The following SHANK1 variants were observed in gnomAD, a reference collection of about 807,000 sequenced individuals.
The protein encoded by SHANK1 is SH3 and multiple ankyrin repeat domains protein 1.
A neutral mutation model predicts 165.6 loss-of-function variants in SHANK1; 35 were observed. The ratio of observed to expected loss-of-function variants is 0.21; its 90% CI spans 0.16 to 0.28. The LOEUF (loss-of-function observed/expected upper bound fraction) is 0.28. Among genes scored for constraint, SHANK1 ranks in the 10% least tolerant of loss-of-function variants. The pLI is 1.00. For synonymous variants in SHANK1, 1,428 were observed against 1,384.8 expected, an observed-to-expected ratio of 1.03 and a Z score of -0.69; for missense variants, 2,681 against 3,036.4, an observed-to-expected ratio of 0.88 and a Z score of 2.75.
intron 21 of SHANK1, among the ~76,000 whole-genome samples, chr19:50,675,843 A>T (rs55682533): frequency 1.8e-3 from 275 of 152,226 alleles, no homozygotes; most frequent in African/African-American, 6.4e-3. Flanking sequence ...CTCTACTAAA[A>T]ATACAAAAAA....
rs2089114925 is a variant in SHANK1, at chr19:50,719,660, G to GC, written c.-299dup. On this transcript the variant is annotated 5_prime_UTR_variant, in exon 1 of 24. Transcript: ENST00000293441. ...CGCCGCGGCCGCCGCGCCCCTCCTC[G>GC]CCCGCCCCCGGCTCGGTCCGGCCGG... 7.0e-6 allele frequency among the ~76,000 whole-genome samples: 1 copy of GC among 142,670 alleles called. No homozygotes were observed. The highest frequency in any genetic ancestry group is 2.6e-5 in the African/African-American group (1 of 38,486). 93.6% of individuals were successfully genotyped at this position (142,670 alleles called of 152,430 possible). A position where few individuals can be genotyped will look rare whatever the true frequency, so the allele number is the denominator to read the frequency against.
At position 50,680,370 on chromosome 19, in the gene SHANK1, T is replaced by G. The variant is rs578245302; in HGVS notation, c.2577+5867A>C. Among the ~76,000 whole-genome samples, 12 of 151,924 alleles carry G rather than the reference T, an allele frequency of 7.9e-5. No homozygotes were observed. The South Asian group carries it at 2.3e-3, about 29-fold the overall frequency. ...GAACCCCAGAAGTGGGGAGTGCAAC[T>G]GAGAGGGAGCAATGACGTCTCAGAC... On this transcript the variant is annotated intron_variant, in intron 21 of 23. Coordinates refer to ENST00000293441, the MANE Select transcript of SHANK1 (RefSeq NM_016148.5).
Position 50,697,538 on chromosome 19 carries a change from T to C in SHANK1, c.1937+51A>G. On this transcript the variant is annotated intron_variant, in intron 14 of 23. Coordinates refer to ENST00000293441, the MANE Select transcript of SHANK1 (RefSeq NM_016148.5). The surrounding 1 kb of genome is among the most constrained non-coding windows in gnomAD (Gnocchi z 4.7). ...TGGAAATATTTAAAGGTGTACATTG[T>C]GAAGGGAACTTGGGGTGAGGGGGGT... 8 of 1,331,754 alleles carry C rather than the reference T, an allele frequency of 6.0e-6. No individual in the cohort carries two copies. Among genetic ancestry groups the C allele is most frequent in the Non-Finnish European group, 8.7e-6 (8 of 922,642 alleles). 82.5% of individuals were successfully genotyped at this position (1,331,754 alleles called of 1,614,324 possible).
intron 19 of SHANK1, chr19:50,687,136 CG>C: frequency 1.4e-6 from 1 of 726,726 alleles, no homozygotes; most frequent in Non-Finnish European, 2.1e-6. Context: ...CTCGGGGCCC[CG>C]GGGTGGGGGC....
At chr19:50,669,323 CGGGG>C in intron 22 of SHANK1, 38 bp from the exon 23 acceptor site, 12 of 1,423,628 alleles carry the variant, frequency 8.4e-6, no homozygotes, top group Non-Finnish European at 1.1e-5. Flanking sequence ...GGGACCCTGG[CGGGG>C]AGGGTCTCCC....
intron 23 of SHANK1, among the ~76,000 whole-genome samples, chr19:50,664,375 C>G (rs945473077): frequency 1.3e-4 from 20 of 152,184 alleles, no homozygotes; most frequent in African/African-American, 4.1e-4. Context: ...ATGCAGCTGA[C>G]TGGCTGCTCT....
Position 50,688,990 on chromosome 19 carries a change from C to G in SHANK1, c.2048-22G>C. The G allele has an allele frequency of 7.8e-7, 1 of 1,280,046 alleles. No homozygotes were observed. Among genetic ancestry groups the G allele is most frequent in the South Asian group, 1.3e-5 (1 of 77,380 alleles). The allele number at this position is 1,280,046 out of a possible 1,614,324, so 79.3% of individuals were successfully genotyped here. The stretch of plus-strand genomic sequence containing the variant: ...TGCGCTGCAGACAGGGAGGAGCCGG[C>G]GGGGTCGGAGGGGAGGGGGTGGAGA... On this transcript the variant is annotated intron_variant, in intron 16 of 23. Transcript: ENST00000293441. This position sits in a 1 kb window ranked among gnomAD's most constrained non-coding sequence, Gnocchi z 6.7.
intron 21 of SHANK1, among the ~76,000 whole-genome samples, chr19:50,679,718 A>G (rs1173269931): frequency 6.6e-6 from 1 of 152,128 alleles, no homozygotes; most frequent in Non-Finnish European, 1.5e-5. Context: ...CTGAGAGGGG[A>G]TAGGGGAGAG....
In SHANK1 at chr19:50,665,901, C is replaced by CGCATTCCTGTAATCCCAGCT. The variant is rs1200911536; in HGVS notation, c.5768+290_5768+291insAGCTGGGATTACAGGAATGC. Among the ~76,000 whole-genome samples, 9 of 148,810 alleles carry CGCATTCCTGTAATCCCAGCT rather than the reference C, an allele frequency of 6.0e-5. 1 individual carries two copies. The highest frequency in any genetic ancestry group is 2.0e-4 in the African/African-American group (8 of 39,702). ...ATACAAAATTAGCTGGGTGTGGTGG[C>CGCATTCCTGTAATCCCAGCT]ATGGGAGGCTGAGGCAGGAGAATCG... is the stretch of plus-strand genomic sequence containing the variant. On this transcript the variant is annotated intron_variant, in intron 23 of 23. Coordinates refer to ENST00000293441, the MANE Select transcript of SHANK1 (RefSeq NM_016148.5).
Position 50,688,716 on chromosome 19 carries a change from T to C in SHANK1, c.2172+128A>G. 1 of 811,814 alleles carries C rather than the reference T, an allele frequency of 1.2e-6. No homozygotes were observed. Among genetic ancestry groups the C allele is most frequent in the Non-Finnish European group, 1.9e-6 (1 of 521,408 alleles). 50.3% of individuals were successfully genotyped at this position (811,814 alleles called of 1,614,324 possible). A position where few individuals can be genotyped will look rare whatever the true frequency, so the allele number is the denominator to read the frequency against. Reference sequence around the variant, plus strand: ...GGGAAAGCAGAGGCTGGCTGGGGGGTGGGCAGGGGGCTGGGAATCCTGGTG... The same window carrying C: ...GGGAAAGCAGAGGCTGGCTGGGGGGCGGGCAGGGGGCTGGGAATCCTGGTG... On this transcript the variant is annotated intron_variant, in intron 17 of 23. Coordinates refer to ENST00000293441, the MANE Select transcript of SHANK1 (RefSeq NM_016148.5). This position sits in a 1 kb window ranked among gnomAD's most constrained non-coding sequence, Gnocchi z 6.7.
chr19:50,688,209 T>C lies in SHANK1; in HGVS notation c.2173-151A>G. 2 of 971,252 alleles carry C rather than the reference T, an allele frequency of 2.1e-6. No individual in the cohort carries two copies. Among genetic ancestry groups the C allele is most frequent in the South Asian group, 1.6e-5 (1 of 60,674 alleles). The allele number at this position is 971,252 out of a possible 1,614,324, so 60.2% of individuals were successfully genotyped here. On this transcript the variant is annotated intron_variant, in intron 17 of 23. Transcript: ENST00000293441. The surrounding 1 kb of genome is among the most constrained non-coding windows in gnomAD (Gnocchi z 6.7). ...CCCTCCGACCCTTCATACCACCGCCTCCCTGGGCAAGCCCCCTTTCCCACC... is the reference window on the plus strand; with the variant it reads ...CCCTCCGACCCTTCATACCACCGCCCCCCTGGGCAAGCCCCCTTTCCCACC...
rs767210056 is a variant in SHANK1, at chr19:50,702,602, C to G, written c.1612G>C (p.Gly538Arg). Residue 538 changes from glycine to arginine, a missense_variant, in exon 12 of 24, where the codon GGG (glycine) becomes CGG (arginine). Physicochemically the swap from Gly to Arg is moderately radical, Grantham distance 125 (BLOSUM62 -2). Transcript: ENST00000293441. The surrounding 1 kb of genome is among the most constrained non-coding windows in gnomAD (Gnocchi z 5.3). ...CTCCCGCGGCTGCCCAGGGAGCCCCCGGGGCCCCCTGAGCCCCCCGTGCCC... is the reference window on the plus strand; with the variant it reads ...CTCCCGCGGCTGCCCAGGGAGCCCCGGGGGCCCCCTGAGCCCCCCGTGCCC... ...AGGTGGSGGPGGSLGSRGRRR... is the reference protein window; with the variant it reads ...AGGTGGSGGPRGSLGSRGRRR... The G allele has an allele frequency of 1.3e-6, 2 of 1,597,870 alleles. No individual in the cohort carries two copies. Among genetic ancestry groups the G allele is most frequent in the Non-Finnish European group, 1.7e-6 (2 of 1,172,138 alleles).
At position 50,662,827 on chromosome 19, in the gene SHANK1, A is replaced by C; in HGVS notation, c.5769-145T>G. The C allele has an allele frequency of 2.5e-6, 2 of 814,044 alleles. No homozygotes were observed. The highest frequency in any genetic ancestry group is 2.5e-5 in the Admixed American group (1 of 40,104). 50.4% of individuals were successfully genotyped at this position (814,044 alleles called of 1,614,324 possible). ...AGAGACGGAGGAGAGACGGGAAGAA[A>C]TGGAGGGAGCAAGGGGTAAGACGGC... On this transcript the variant is annotated intron_variant, in intron 23 of 23. Transcript: ENST00000293441. This position sits in a 1 kb window ranked among gnomAD's most constrained non-coding sequence, Gnocchi z 7.7.
chr19:50,711,752 G>C (rs1379623035), intron 7 of SHANK1, among the ~76,000 whole-genome samples, 195 bp downstream of exon 7: 1 of 152,208 alleles, frequency 6.6e-6, no homozygotes, highest in Non-Finnish European at 1.5e-5. Flanking sequence ...CAGGGGTCAA[G>C]GCATCAGGTT....
At position 50,667,895 on chromosome 19, in the gene SHANK1, C is replaced by T; in HGVS notation, c.4065G>A (p.Leu1355=). The T allele has an allele frequency of 1.5e-6, 2 of 1,333,990 alleles. No individual in the cohort carries two copies. The highest frequency in any genetic ancestry group is 1.9e-6 in the Non-Finnish European group (2 of 1,046,692). The allele number at this position is 1,333,990 out of a possible 1,614,324, so 82.6% of individuals were successfully genotyped here. ...KALDPASPLG[L]ALAARERALK... ...GCGCTCGCTCGCGGGCGGCCAGGGCCAGCCCCAGCGGGGAGGCGGGATCCA... is the reference window on the plus strand; with the variant it reads ...GCGCTCGCTCGCGGGCGGCCAGGGCTAGCCCCAGCGGGGAGGCGGGATCCA... The change falls in exon 23 of 24, where the codon CTG becomes CTA. Residue 1355 remains leucine, a synonymous_variant. Transcript: ENST00000293441. This position sits in a 1 kb window ranked among gnomAD's most constrained non-coding sequence, Gnocchi z 5.7.
At chr19:50,676,721 C>G (rs540814480) in intron 21 of SHANK1, among the ~76,000 whole-genome samples, 17 of 152,168 alleles carry the variant, frequency 1.1e-4, no homozygotes, top group Non-Finnish European at 1.5e-4. Flanking sequence ...CAGCCCACCC[C>G]AATACTCTTT....
intron 21 of SHANK1, among the ~76,000 whole-genome samples, chr19:50,673,103 C>T (rs1434832980): frequency 3.9e-5 from 6 of 152,152 alleles, no homozygotes; most frequent in South Asian, 4.1e-4. Flanking sequence ...CCACAGCCCA[C>T]GATGGACGGA....
At position 50,688,718 on chromosome 19, in the gene SHANK1, G is replaced by T; in HGVS notation, c.2172+126C>A. 2 of 871,238 alleles carry T rather than the reference G, an allele frequency of 2.3e-6. No individual in the cohort carries two copies. Among genetic ancestry groups the T allele is most frequent in the South Asian group, 1.8e-5 (1 of 57,106 alleles). 54.0% of individuals were successfully genotyped at this position (871,238 alleles called of 1,614,324 possible). ...GAAAGCAGAGGCTGGCTGGGGGGTG[G>T]GCAGGGGGCTGGGAATCCTGGTGCC... On this transcript the variant is annotated intron_variant, in intron 17 of 23. Coordinates refer to ENST00000293441, the MANE Select transcript of SHANK1 (RefSeq NM_016148.5). The surrounding 1 kb of genome is among the most constrained non-coding windows in gnomAD (Gnocchi z 6.7).
intron 21 of SHANK1, among the ~76,000 whole-genome samples, chr19:50,684,937 CTT>C (rs1331953926): frequency 1.3e-5 from 2 of 152,258 alleles, no homozygotes; most frequent in East Asian, 3.9e-4. Context: ...TAACTGGCCT[CTT>C]TTGTTATTTC....
Sources: allele counts gnomAD v4.1 joint callset (sites outside exome capture counted in the v4.1 genomes callset), GRCh38; gene constraint gnomAD v4.1.1; non-coding constraint Gnocchi (gnomAD v3.1); transcripts MANE v1.5; gene names NCBI Gene and HGNC (gene_info 2026-07-23, HGNC 2026-07-21).